ANKS1B: variants seen among roughly 807,000 people sequenced by gnomAD.
ANKS1B encodes ankyrin repeat and sterile alpha motif domain-containing protein 1B.
A neutral mutation model predicts 148.3 loss-of-function variants in ANKS1B; 36 were observed. That is an observed-to-expected ratio of 0.24 (90% CI 0.19 to 0.32). ANKS1B has a LOEUF of 0.32. ANKS1B is among the 10% of genes least tolerant of loss of function. ANKS1B has a pLI of 1.00. For missense variants in ANKS1B, 1,157 were observed against 1,542.6 expected, an observed-to-expected ratio of 0.75 and a Z score of 4.19; for synonymous variants, 542 against 560.8, an observed-to-expected ratio of 0.97 and a Z score of 0.47.
intron 10 of ANKS1B, among the ~76,000 whole-genome samples, chr12:99,448,896 C>G (rs1306506857): frequency 6.6e-6 from 1 of 152,008 alleles, no homozygotes; most frequent in Non-Finnish European, 1.5e-5. Flanking sequence ...CCCATTCTCT[C>G]TCTCCCTTTG....
In ANKS1B at chr12:99,098,778, C is replaced by T. The variant is rs1383397845; in HGVS notation, c.2527-13755G>A. Among the ~76,000 whole-genome samples, 7 of 150,332 alleles carry T rather than the reference C, an allele frequency of 4.7e-5. No individual in the cohort carries two copies. In the South Asian group the frequency reaches 1.3e-3, roughly 27 times the overall value. On this transcript the variant is annotated intron_variant, in intron 15 of 26. Transcript: ENST00000683438. ...TCAGGGTTCCCCCCCCCACCCCCAG[C>T]TCTGCCATTTACTTAGCTTTGTGGC... is the stretch of plus-strand genomic sequence containing the variant.
At chr12:99,090,038 T>C (rs2053500010) in intron 15 of ANKS1B, among the ~76,000 whole-genome samples, 1 of 152,204 alleles carries the variant, frequency 6.6e-6, no homozygotes, top group African/African-American at 2.4e-5. Context: ...TCACCTAATG[T>C]TTTATGCACT....
chr12:99,752,762 G>T (rs969332612), intron 8 of ANKS1B, among the ~76,000 whole-genome samples: 4 of 151,800 alleles, frequency 2.6e-5, no homozygotes, highest in African/African-American at 9.7e-5. Flanking sequence ...TTGGAATGCT[G>T]CTAAAAATAT....
chr12:98,859,011 A>G (rs1480767710), intron 17 of ANKS1B, among the ~76,000 whole-genome samples: 1 of 152,204 alleles, frequency 6.6e-6, no homozygotes, highest in East Asian at 1.9e-4. Context: ...GCAGGTGGGT[A>G]AATCCTTATT....
chr12:99,697,974 C>T (rs567926920), intron 8 of ANKS1B, among the ~76,000 whole-genome samples: 4 of 151,774 alleles, frequency 2.6e-5, no homozygotes, highest in African/African-American at 9.7e-5. Context: ...TTAAGAAAAA[C>T]GGGGCAGAAA....
chr12:98,860,078 C>T (rs964016647), intron 17 of ANKS1B, among the ~76,000 whole-genome samples: 1 of 152,242 alleles, frequency 6.6e-6, no homozygotes, highest in African/African-American at 2.4e-5. Flanking sequence ...CGTTTTCTCT[C>T]GTTCCGAGAT....
At chr12:99,269,834 C>G (rs1165496305) in intron 12 of ANKS1B, among the ~76,000 whole-genome samples, 2 of 152,158 alleles carry the variant, frequency 1.3e-5, no homozygotes, top group Non-Finnish European at 2.9e-5. Context: ...GCTGGGATTA[C>G]AGGCGTGAGC....
chr12:99,097,715 G>C (rs2056661436), intron 15 of ANKS1B, among the ~76,000 whole-genome samples: 1 of 152,104 alleles, frequency 6.6e-6, no homozygotes, highest in African/African-American at 2.4e-5. Flanking sequence ...ACGGGATTAG[G>C]AGTCCTGGCT....
At chr12:98,884,272 A>G (rs2099729594) in intron 17 of ANKS1B, among the ~76,000 whole-genome samples, 1 of 152,218 alleles carries the variant, frequency 6.6e-6, no homozygotes, top group Admixed American at 6.5e-5. Context: ...ATTCATATCA[A>G]CCATTAACCT....
intron 11 of ANKS1B, among the ~76,000 whole-genome samples, chr12:99,435,690 G>C (rs1224584679): frequency 6.6e-6 from 1 of 151,984 alleles, no homozygotes; most frequent in Admixed American, 6.6e-5. Context: ...GTAATACAGA[G>C]TGCATGTGAC....
intron 12 of ANKS1B, among the ~76,000 whole-genome samples, chr12:99,373,727 C>T (rs914819904): frequency 6.6e-6 from 1 of 151,910 alleles, no homozygotes; most frequent in Admixed American, 6.6e-5. Flanking sequence ...TAGTTGCATG[C>T]AATCTTACAA....
intron 1 of ANKS1B, among the ~76,000 whole-genome samples, chr12:99,861,278 C>A (rs987428880): frequency 7.2e-5 from 11 of 152,138 alleles, no homozygotes; most frequent in Admixed American, 2.0e-4. Flanking sequence ...TAAAGTTTTT[C>A]TTTTAACACT....
intron 14 of ANKS1B, among the ~76,000 whole-genome samples, chr12:99,157,390 C>T (rs550203320): frequency 1.3e-5 from 2 of 152,270 alleles, no homozygotes; most frequent in South Asian, 2.1e-4. Context: ...AAGGCACATG[C>T]TGATTGGCCA....
At chr12:99,833,383 C>G (rs1226280261) in intron 1 of ANKS1B, among the ~76,000 whole-genome samples, 1 of 151,944 alleles carries the variant, frequency 6.6e-6, no homozygotes, top group African/African-American at 2.4e-5. Flanking sequence ...GTTTTACAGA[C>G]CAGGGGAGAA....
intron 17 of ANKS1B, among the ~76,000 whole-genome samples, chr12:98,942,123 C>T (rs1015539662): frequency 2.1e-4 from 32 of 151,768 alleles, no homozygotes; most frequent in African/African-American, 7.3e-4. Flanking sequence ...TGCCTGTAAT[C>T]CCAGCTACTC....
chr12:99,334,703 A>AT (rs1484825036), intron 12 of ANKS1B, among the ~76,000 whole-genome samples: 10 of 151,894 alleles, frequency 6.6e-5, no homozygotes, highest in Non-Finnish European at 1.5e-4. Flanking sequence ...TATGTAGTAC[A>AT]TTTTTTTCCA....
chr12:98,940,034 G>A (rs1374813495), intron 17 of ANKS1B, among the ~76,000 whole-genome samples: 1 of 152,160 alleles, frequency 6.6e-6, no homozygotes, highest in African/African-American at 2.4e-5. Context: ...GTTTTGACAG[G>A]TATTTGTGGT....
chr12:99,095,933 C>T (rs868257015), intron 15 of ANKS1B, among the ~76,000 whole-genome samples: 1 of 152,130 alleles, frequency 6.6e-6, no homozygotes, highest in African/African-American at 2.4e-5. Context: ...AAAACTAAAA[C>T]GGATGCAAAA....
At chr12:99,507,653 T>C (rs1463292185) in intron 9 of ANKS1B, among the ~76,000 whole-genome samples, 1 of 151,872 alleles carries the variant, frequency 6.6e-6, no homozygotes, top group African/African-American at 2.4e-5. Flanking sequence ...TGTAAGTCTT[T>C]GTAGAACCTG....
Sources: gnomAD v4.1 joint callset for allele counts (sites outside exome capture counted in the v4.1 genomes callset) on GRCh38, gnomAD v4.1.1 for gene constraint, MANE v1.5 for transcripts, NCBI Gene and HGNC (gene_info 2026-07-23, HGNC 2026-07-21) for gene names.